The following FAM136A variants were observed in gnomAD, a reference collection of about 807,000 sequenced individuals.
The protein encoded by FAM136A is TIM double twin CX3C motif protein.
Under a neutral mutation model 21.6 loss-of-function variants are expected in FAM136A, and 25 were observed. The ratio of observed to expected loss-of-function variants is 1.16; its 90% CI spans 0.84 to 1.62. The LOEUF is 1.62. Among genes scored for constraint, FAM136A ranks in the 40% most tolerant of loss-of-function variants. The pLI is 0.00. For synonymous variants in FAM136A, 119 were observed against 129.4 expected (o/e 0.92, Z 0.55); for missense variants, 338 against 332.0 (o/e 1.02, Z -0.14).
In FAM136A at chr2:70,301,945, C is replaced by T. The variant is rs1422366553; in HGVS notation, c.67G>A (p.Glu23Lys). ...VESMVKSLERENIRKMQVAGL... is the reference protein window; with the variant it reads ...VESMVKSLERKNIRKMQVAGL... ...GCTACCTGCATCTTCCGGATGTTCT[C>T]TCTTTCCAGACTCTTCACCATGGAC... is the stretch of plus-strand genomic sequence containing the variant. Residue 23 changes from glutamate (E) to lysine (K), a missense_variant, in exon 1 of 3, where the codon GAG becomes AAG. Coordinates refer to ENST00000430566, the MANE Select transcript of FAM136A (RefSeq NM_001329752.2). The T allele has an allele frequency of 6.2e-7, 1 of 1,609,258 alleles. No individual in the cohort carries two copies. Among genetic ancestry groups the T allele is most frequent in the East Asian group, 2.2e-5 (1 of 44,802 alleles).
At chr2:70,298,239 T>C (rs977355947) in intron 2 of FAM136A, among the ~76,000 whole-genome samples, 6 of 152,058 alleles carry the variant, frequency 3.9e-5, no homozygotes, top group African/African-American at 1.4e-4. Flanking sequence ...ATTACAGGCA[T>C]GCGCCACCAT....
chr2:70,299,649 G>A (rs1574008160), intron 2 of FAM136A, among the ~76,000 whole-genome samples: 1 of 152,036 alleles, frequency 6.6e-6, no homozygotes, highest in African/African-American at 2.4e-5. Flanking sequence ...CACCCAGGCT[G>A]GAGTGCAGTG....
intron 2 of FAM136A, among the ~76,000 whole-genome samples, chr2:70,298,262 T>G (rs1376334693): frequency 6.6e-6 from 1 of 151,904 alleles, no homozygotes; most frequent in Non-Finnish European, 1.5e-5. Context: ...CTGGCTAACT[T>G]TTTTTGTATT....
At position 70,301,930 on chromosome 2, in the gene FAM136A, TC is replaced by T; in HGVS notation, c.81del (p.Met28CysfsTer3). On this transcript the variant is annotated frameshift_variant, in exon 1 of 3. Transcript: ENST00000430566. LOFTEE classifies it high-confidence loss of function. Reference protein sequence around the residue: ...VKSLERENIRKMQVAGLGPNQ... With the variant: ...VKSLERENIRXMQVAGLGPNQ... Reference sequence around the variant, plus strand: ...TTCGGCCCCAGCCCCGCTACCTGCATCTTCCGGATGTTCTCTCTTTCCAGAC... The same window carrying T: ...TTCGGCCCCAGCCCCGCTACCTGCATTTCCGGATGTTCTCTCTTTCCAGAC... The T allele has an allele frequency of 1.9e-6, 3 of 1,608,278 alleles. No homozygotes were observed. The highest frequency in any genetic ancestry group is 4.3e-4 in the Middle Eastern group (2 of 4,614).
At chr2:70,298,091 T>C (rs1356012987) in intron 2 of FAM136A, among the ~76,000 whole-genome samples, 7 of 151,948 alleles carry the variant, frequency 4.6e-5, no homozygotes, top group Non-Finnish European at 1.0e-4. Flanking sequence ...ACAAACATCT[T>C]GATTCTTTTT....
At chr2:70,300,155 C>T (rs897145352) in intron 2 of FAM136A, among the ~76,000 whole-genome samples, 3 of 152,294 alleles carry the variant, frequency 2.0e-5, no homozygotes, top group Admixed American at 2.0e-4. Flanking sequence ...CCGCCTCGGC[C>T]TCCCAAAATG....
intron 2 of FAM136A, among the ~76,000 whole-genome samples, chr2:70,297,822 G>T (rs1266990699): frequency 1.3e-5 from 2 of 151,748 alleles, no homozygotes; most frequent in Non-Finnish European, 2.9e-5. Context: ...AATTATTTTT[G>T]TAGAGATGGG....
In FAM136A at chr2:70,297,350, A is replaced by G; in HGVS notation, c.677T>C (p.Met226Thr). 1.2e-6 allele frequency: 2 copies of G among 1,614,058 alleles called. No individual in the cohort carries two copies. Among genetic ancestry groups the G allele is most frequent in the Non-Finnish European group, 1.7e-6 (2 of 1,179,906 alleles). The change falls in exon 3 of 3, where the codon ATG becomes ACG. Residue 226 changes from methionine (M) to threonine (T), a missense_variant. By Grantham distance (81) the Met-to-Thr change is moderately conservative. Coordinates refer to ENST00000430566, the MANE Select transcript of FAM136A (RefSeq NM_001329752.2). ...SCVTKCVDDH[M>T]HLIPTMTKKM... ...CTTGGTCATAGTTGGGATGAGGTGCATGTGGTCATCCACACACTTGGTCAC... is the reference window on the plus strand; with the variant it reads ...CTTGGTCATAGTTGGGATGAGGTGCGTGTGGTCATCCACACACTTGGTCAC...
In FAM136A at chr2:70,297,452, T is replaced by C. The variant is rs773334625; in HGVS notation, c.575A>G (p.His192Arg). The change falls in exon 3 of 3, where the codon CAT becomes CGT. Residue 192 changes from histidine (H) to arginine (R), a missense_variant. Physicochemically the swap from His to Arg is conservative, Grantham distance 29. Transcript: ENST00000430566. ...FQDRLARCTM[H>R]CNDKAKDSID... is the part of the protein sequence containing the mutation. ...TGAATCTTTGGCTTTGTCGTTGCAA[T>C]GCATGGTGCACCGGGCCAGGCGGTC... 6 of 1,613,942 alleles carry C rather than the reference T, an allele frequency of 3.7e-6. No homozygotes were observed. Among genetic ancestry groups the C allele is most frequent in the South Asian group, 2.2e-5 (2 of 91,076 alleles).
chr2:70,300,828 G>C lies in FAM136A; in HGVS notation c.549+12C>G, dbSNP rs1422836600. On this transcript the variant is annotated intron_variant, in intron 2 of 2. Transcript: ENST00000430566. Reference sequence around the variant, plus strand: ...TCAAGGACTACAGTGCTCTGTCTAGGATATTTCTCACCTGGAACTTCTCCA... The same window carrying C: ...TCAAGGACTACAGTGCTCTGTCTAGCATATTTCTCACCTGGAACTTCTCCA... 1 of 1,605,990 alleles carries C rather than the reference G, an allele frequency of 6.2e-7. No individual in the cohort carries two copies. Among genetic ancestry groups the C allele is most frequent in the Admixed American group, 1.7e-5 (1 of 59,740 alleles).
chr2:70,301,391 A>T lies in FAM136A; in HGVS notation c.408+213T>A, dbSNP rs956536408. The T allele has an allele frequency of 8.5e-6, 13 of 1,523,816 alleles. No individual in the cohort carries two copies. The African/African-American group carries it at 1.5e-4, about 18-fold the overall frequency. The allele number at this position is 1,523,816 out of a possible 1,614,324, so 94.4% of individuals were successfully genotyped here. ...ACTAATCAATGACTCAAGGGGCACT[A>T]TCTGGGAAACGCATACTCCGTGAGA... On this transcript the variant is annotated intron_variant, in intron 1 of 2. Coordinates refer to ENST00000430566, the MANE Select transcript of FAM136A (RefSeq NM_001329752.2).
intron 2 of FAM136A, 143 bp from the exon 3 acceptor site, chr2:70,297,620 AGTT>A (rs1697289917): frequency 3.2e-5 from 13 of 406,004 alleles, no homozygotes; most frequent in East Asian, 4.6e-5. Context: ...TGATTGGCCA[AGTT>A]TTTTTTTTTT....
intron 2 of FAM136A, 144 bp from the exon 3 acceptor site, chr2:70,297,621 G>GTTTTTTTTT (rs55803921): frequency 1.2e-5 from 3 of 250,568 alleles, no homozygotes; most frequent in African/African-American, 6.9e-5. Flanking sequence ...GATTGGCCAA[G>GTTTTTTTTT]TTTTTTTTTT....
Position 70,301,941 on chromosome 2 carries a change from T to G in FAM136A, c.71A>C (p.Asn24Thr). Residue 24 changes from asparagine to threonine, a missense_variant, in exon 1 of 3, where the codon AAC (asparagine) becomes ACC (threonine). Coordinates refer to ENST00000430566, the MANE Select transcript of FAM136A (RefSeq NM_001329752.2). Reference sequence around the variant, plus strand: ...CCCCGCTACCTGCATCTTCCGGATGTTCTCTCTTTCCAGACTCTTCACCAT... The same window carrying G: ...CCCCGCTACCTGCATCTTCCGGATGGTCTCTCTTTCCAGACTCTTCACCAT... ...ESMVKSLERE[N>T]IRKMQVAGLG... The G allele has an allele frequency of 6.2e-7, 1 of 1,609,086 alleles. No individual in the cohort carries two copies. Among genetic ancestry groups the G allele is most frequent in the Non-Finnish European group, 8.5e-7 (1 of 1,178,830 alleles).
chr2:70,300,819 T>C, intron 2 of FAM136A, 21 bp downstream of exon 2: 1 of 1,587,488 alleles, frequency 6.3e-7, no homozygotes, highest in Non-Finnish European at 8.6e-7. Flanking sequence ...ACTACAGTGC[T>C]CTGTCTAGGA....
intron 2 of FAM136A, among the ~76,000 whole-genome samples, chr2:70,299,591 T>TTTTTTA (rs1319634926): frequency 1.3e-5 from 2 of 152,116 alleles, no homozygotes; most frequent in Non-Finnish European, 2.9e-5. Flanking sequence ...GAAACTTTAT[T>TTTTTTA]TTTTTATTTT....
chr2:70,301,477 C>T (rs1319652442), intron 1 of FAM136A, 127 bp downstream of exon 1: 1 of 1,535,490 alleles, frequency 6.5e-7, no homozygotes, highest in African/African-American at 1.4e-5. Context: ...TGTAGAAACC[C>T]GCGCTGTGTG....
At position 70,301,939 on chromosome 2, in the gene FAM136A, TG is replaced by T; in HGVS notation, c.72del (p.Asn24LysfsTer7). ...AGCCCCGCTACCTGCATCTTCCGGATGTTCTCTCTTTCCAGACTCTTCACCA... is the reference window on the plus strand; with the variant it reads ...AGCCCCGCTACCTGCATCTTCCGGATTTCTCTCTTTCCAGACTCTTCACCA... ...ESMVKSLERENIRKMQVAGLG... is the reference protein window; with the variant it reads ...ESMVKSLEREXIRKMQVAGLG... On this transcript the variant is annotated frameshift_variant, in exon 1 of 3. Transcript: ENST00000430566. LOFTEE classifies it high-confidence loss of function. 1 of 1,609,074 alleles carries T rather than the reference TG, an allele frequency of 6.2e-7. No homozygotes were observed. Among genetic ancestry groups the T allele is most frequent in the Non-Finnish European group, 8.5e-7 (1 of 1,178,804 alleles).
In FAM136A at chr2:70,296,627, T is replaced by C. The variant is rs1452689782; in HGVS notation, c.*662A>G. 2.0e-5 allele frequency: 3 copies of C among 152,274 alleles called. No individual in the cohort carries two copies. Among genetic ancestry groups the C allele is most frequent in the South Asian group, 4.1e-4 (2 of 4,834 alleles). The allele number at this position is 152,274 out of a possible 1,614,324, so 9.4% of individuals were successfully genotyped here. A position where few individuals can be genotyped will look rare whatever the true frequency, so the allele number is the denominator to read the frequency against. On this transcript the variant is annotated 3_prime_UTR_variant, in exon 3 of 3. Transcript: ENST00000430566. ...AGTCTCCAGGCTGAAAGATGCAGCA[T>C]GTAATAATTTTAAGAAATGTACATC...
Sources: gnomAD v4.1 joint callset for allele counts (sites outside exome capture counted in the v4.1 genomes callset) on GRCh38, gnomAD v4.1.1 for gene constraint, MANE v1.5 for transcripts, NCBI Gene and HGNC (gene_info 2026-07-23, HGNC 2026-07-21) for gene names.